PSMA3: variants seen among roughly 807,000 people sequenced by gnomAD.
PSMA3 encodes the protein proteasome 20S subunit alpha 3.
Under a neutral mutation model 40.0 loss-of-function variants are expected in PSMA3, and 8 were observed. The ratio of observed to expected loss-of-function variants is 0.20; its 90% CI spans 0.12 to 0.36. The LOEUF is 0.36. Among genes scored for constraint, PSMA3 ranks in the 10% least tolerant of loss-of-function variants. The pLI is 1.00. For synonymous variants in PSMA3, 110 were observed against 100.0 expected, an observed-to-expected ratio of 1.10 and a Z score of -0.59; for missense variants, 219 against 310.6, an observed-to-expected ratio of 0.70 and a Z score of 2.22.
intron 7 of PSMA3, chr14:58,264,628 C>G (rs1890382415): frequency 6.6e-6 from 1 of 152,212 alleles, no homozygotes; most frequent in African/African-American, 2.4e-5. Flanking sequence ...ACTAATTACT[C>G]ATTCAACTTA....
At chr14:58,252,266 C>A (rs775801397) in intron 3 of PSMA3, 24 bp downstream of exon 3, 3 of 1,595,072 alleles carry the variant, frequency 1.9e-6, no homozygotes, top group South Asian at 2.3e-5. Context: ...TAAAATGTTC[C>A]TTTTTGTCTT....
In PSMA3 at chr14:58,244,901, G is replaced by T; in HGVS notation, c.-20G>T. The T allele has an allele frequency of 6.2e-7, 1 of 1,614,168 alleles. No homozygotes were observed. Among genetic ancestry groups the T allele is most frequent in the Non-Finnish European group, 8.5e-7 (1 of 1,180,018 alleles). On this transcript the variant is annotated 5_prime_UTR_variant, in exon 1 of 11. Transcript: ENST00000216455. ...CGCTCCGGGCCTGGAATCCCTACGCGTCCCTTTGGGTTTAGCACGATGAGC... is the reference window on the plus strand; with the variant it reads ...CGCTCCGGGCCTGGAATCCCTACGCTTCCCTTTGGGTTTAGCACGATGAGC...
intron 10 of PSMA3, 42 bp from the exon 11 acceptor site, chr14:58,271,809 A>C (rs372335780): frequency 2.0e-6 from 3 of 1,489,372 alleles, no homozygotes; most frequent in Admixed American, 1.7e-5. Context: ...GGGATATAAC[A>C]ATTTTAAAAA....
At chr14:58,271,531 C>T (rs564993063) in intron 10 of PSMA3, among the ~76,000 whole-genome samples, 65 of 152,040 alleles carry the variant, frequency 4.3e-4, no homozygotes, top group Non-Finnish European at 7.2e-4. Context: ...AATACAGAGA[C>T]GGGTTTTCAC....
chr14:58,258,161 G>T (rs1326469247), intron 5 of PSMA3, 163 bp downstream of exon 5: 2 of 576,784 alleles, frequency 3.5e-6, no homozygotes, highest in African/African-American at 3.7e-5. Context: ...CTTGAGGCTG[G>T]GTGCCATGGC....
At chr14:58,263,612 C>A in intron 6 of PSMA3, 93 bp from the exon 7 acceptor site, 1 of 966,812 alleles carries the variant, frequency 1.0e-6, no homozygotes, top group Non-Finnish European at 1.5e-6. Flanking sequence ...AGTCATTTAG[C>A]ATCCTTTCAC....
At chr14:58,250,344 C>T (rs1239373119) in intron 2 of PSMA3, among the ~76,000 whole-genome samples, 1 of 152,000 alleles carries the variant, frequency 6.6e-6, no homozygotes, top group East Asian at 1.9e-4. Context: ...CTGACCTGTA[C>T]TGCTTGAGTT....
Position 58,267,500 on chromosome 14 carries a change from C to T in PSMA3, c.570C>T (p.Ile190=), listed in dbSNP as rs572406683. 128 of 1,570,276 alleles carry T rather than the reference C, an allele frequency of 8.2e-5. No individual in the cohort carries two copies. The highest frequency in any genetic ancestry group is 4.1e-4 in the South Asian group (33 of 80,830). Residue 190 remains isoleucine, a synonymous_variant, in exon 8 of 11, where the codon ATC becomes ATT. Coordinates refer to ENST00000216455, the MANE Select transcript of PSMA3 (RefSeq NM_002788.4). ...LQMKEMTCRD[I]VKEVAKIIYI... is the part of the protein sequence containing the mutation. ...TGAAAGAAATGACCTGCCGTGATAT[C>T]GTTAAAGAAGTTGCAAAAATGTAAG...
At chr14:58,252,021 G>T in intron 2 of PSMA3, 98 bp from the exon 3 acceptor site, 1 of 1,230,394 alleles carries the variant, frequency 8.1e-7, no homozygotes, top group South Asian at 1.6e-5. Flanking sequence ...TATTTGGCAT[G>T]CCTTAAATGT....
chr14:58,254,047 C>T (rs1354614929), intron 3 of PSMA3, among the ~76,000 whole-genome samples: 5 of 151,746 alleles, frequency 3.3e-5, no homozygotes. Flanking sequence ...TGATCCTCTT[C>T]CTCCTCCCAC....
intron 2 of PSMA3, among the ~76,000 whole-genome samples, chr14:58,249,379 TCTCA>T (rs1402602412): frequency 5.3e-5 from 8 of 152,218 alleles, no homozygotes; most frequent in African/African-American, 7.2e-5. Flanking sequence ...AGAGGCATGG[TCTCA>T]CTCACTATGT....
At chr14:58,267,339 G>A (rs1035304278) in intron 7 of PSMA3, 135 bp from the exon 8 acceptor site, 9 of 1,226,934 alleles carry the variant, frequency 7.3e-6, no homozygotes, top group African/African-American at 1.6e-5. Context: ...TATGAATCAG[G>A]AAACTTCGAT....
Position 58,267,491 on chromosome 14 carries a change from C to A in PSMA3, c.561C>A (p.Cys187Ter). ...IEKLQMKEMT[C>*]RDIVKEVAKI... ...TTCTATAGATGAAAGAAATGACCTG[C>A]CGTGATATCGTTAAAGAAGTTGCAA... Residue 187 changes from cysteine (C) to a stop codon, truncating the protein, a stop_gained, in exon 8 of 11, where the codon TGC becomes TGA. Transcript: ENST00000216455. LOFTEE classifies it high-confidence loss of function. The A allele has an allele frequency of 6.4e-7, 1 of 1,569,222 alleles. No individual in the cohort carries two copies. Among genetic ancestry groups the A allele is most frequent in the Non-Finnish European group, 8.6e-7 (1 of 1,163,336 alleles).
At chr14:58,254,788 G>C (rs1306604906) in intron 3 of PSMA3, among the ~76,000 whole-genome samples, 1 of 152,112 alleles carries the variant, frequency 6.6e-6, no homozygotes, top group Non-Finnish European at 1.5e-5. Context: ...GTAACTTACT[G>C]GCATGGGTTA....
chr14:58,254,408 G>T (rs1890099122), intron 3 of PSMA3, among the ~76,000 whole-genome samples: 1 of 129,964 alleles, frequency 7.7e-6, no homozygotes, highest in African/African-American at 2.9e-5. Context: ...CATGATCATA[G>T]CTCACTGCAG....
chr14:58,260,433 C>T (rs1890249853), intron 5 of PSMA3, among the ~76,000 whole-genome samples: 1 of 152,180 alleles, frequency 6.6e-6, no homozygotes. Flanking sequence ...CACTGTATGT[C>T]ACAATTTCAG....
chr14:58,257,101 CAAAAA>C (rs60421135), intron 3 of PSMA3, among the ~76,000 whole-genome samples: 19 of 104,692 alleles, frequency 1.8e-4, no homozygotes, highest in African/African-American at 6.8e-4. Flanking sequence ...GACTCTGTCT[CAAAAA>C]AAAAAAAAAA....
At chr14:58,271,645 T>C (rs1409060920) in intron 10 of PSMA3, among the ~76,000 whole-genome samples, 1 of 152,184 alleles carries the variant, frequency 6.6e-6, no homozygotes, top group East Asian at 1.9e-4. Flanking sequence ...CTTAAGTATA[T>C]ATTCTATCAA....
rs754484825 is a variant in PSMA3, at chr14:58,257,838, C to G, written c.322C>G (p.Pro108Ala). The G allele has an allele frequency of 1.9e-6, 3 of 1,612,938 alleles. No homozygotes were observed. Among genetic ancestry groups the G allele is most frequent in the African/African-American group, 1.3e-5 (1 of 74,884 alleles). Residue 108 changes from proline (P) to alanine (A), a missense_variant, in exon 4 of 11, where the codon CCA becomes GCA. Physicochemically the swap from Pro to Ala is conservative, Grantham distance 27. Transcript: ENST00000216455. ...CAGATCTAACTTTGGCTACAACATT[C>G]CACTAAAAGTAAGTTGATAACATAT... ...NFRSNFGYNI[P>A]LKHLADRVAM...
Sources: allele counts gnomAD v4.1 joint callset (sites outside exome capture counted in the v4.1 genomes callset), GRCh38; gene constraint gnomAD v4.1.1; transcripts MANE v1.5; gene names NCBI Gene and HGNC (gene_info 2026-07-23, HGNC 2026-07-21).